ZNF239: variants seen among roughly 807,000 people sequenced by gnomAD.
ZNF239 encodes zinc finger protein 239.
Under a neutral mutation model 27.5 loss-of-function variants are expected in ZNF239, and 16 were observed. That is an observed-to-expected ratio of 0.58 (90% CI 0.39 to 0.88). The LOEUF is 0.88. ZNF239 is among the 40% of genes least tolerant of loss of function. The pLI is 0.00. For missense variants in ZNF239, 527 were observed against 551.9 expected, an observed-to-expected ratio of 0.95 and a Z score of 0.45; for synonymous variants, 199 against 192.6, an observed-to-expected ratio of 1.03 and a Z score of -0.27.
At chr10:43,574,307 G>A (rs541394212) in intron 1 of ZNF239, among the ~76,000 whole-genome samples, 95 of 152,300 alleles carry the variant, frequency 6.2e-4, no homozygotes, top group African/African-American at 2.2e-3. Context: ...TCAGCTGCAG[G>A]GCCCCACAGG....
At position 43,556,630 on chromosome 10, in the gene ZNF239, G is replaced by A; in HGVS notation, c.*73C>T. 6.6e-7 allele frequency: 1 copy of A among 1,513,756 alleles called. No individual in the cohort carries two copies. Among genetic ancestry groups the A allele is most frequent in the Non-Finnish European group, 8.9e-7 (1 of 1,124,914 alleles). 93.8% of individuals were successfully genotyped at this position (1,513,756 alleles called of 1,614,324 possible). A position where few individuals can be genotyped will look rare whatever the true frequency, so the allele number is the denominator to read the frequency against. On this transcript the variant is annotated 3_prime_UTR_variant, in exon 4 of 4. Coordinates refer to ENST00000374446, the MANE Select transcript of ZNF239 (RefSeq NM_001099282.2). Reference sequence around the variant, plus strand: ...ATCTCTCTCCTTTGTAGAATATAAAGTAAGAGTGATACTAAATATTTAACA... The same window carrying A: ...ATCTCTCTCCTTTGTAGAATATAAAATAAGAGTGATACTAAATATTTAACA...
At chr10:43,571,684 G>A (rs894783473) in intron 2 of ZNF239, among the ~76,000 whole-genome samples, 7 of 152,010 alleles carry the variant, frequency 4.6e-5, no homozygotes, top group African/African-American at 1.7e-4. Flanking sequence ...TCAGCCTCCC[G>A]AGTAGCTGGG....
In ZNF239 at chr10:43,556,614, C is replaced by T. The variant is rs1836752153; in HGVS notation, c.*89G>A. 1.0e-5 allele frequency: 15 copies of T among 1,474,840 alleles called. No individual in the cohort carries two copies. In the Middle Eastern group the frequency reaches 7.6e-4, roughly 75 times the overall value. The allele number at this position is 1,474,840 out of a possible 1,614,324, so 91.4% of individuals were successfully genotyped here. ...TCTAAATAACCCTTACATCTCTCTC[C>T]TTTGTAGAATATAAAGTAAGAGTGA... On this transcript the variant is annotated 3_prime_UTR_variant, in exon 4 of 4. Coordinates refer to ENST00000374446, the MANE Select transcript of ZNF239 (RefSeq NM_001099282.2).
At chr10:43,558,233 G>A (rs79486355) in intron 3 of ZNF239, 62 bp from the exon 4 acceptor site, 1 of 1,409,786 alleles carries the variant, frequency 7.1e-7, no homozygotes, top group East Asian at 2.5e-5. Flanking sequence ...TTCAGAGTGA[G>A]AGTGCCTAAG....
rs1024777807 is a variant in ZNF239, at chr10:43,571,379, T to C, written c.-216+2258A>G. 5.3e-5 allele frequency among the ~76,000 whole-genome samples: 8 copies of C among 151,390 alleles called. No homozygotes were observed. In the East Asian group the frequency reaches 1.5e-3, roughly 29 times the overall value. ...CTTTCTATAGTAAGCCCTAACTTAT[T>C]GAGTTCTCCCATCCATTTTGGAGCT... On this transcript the variant is annotated intron_variant, in intron 2 of 3. Coordinates refer to ENST00000374446, the MANE Select transcript of ZNF239 (RefSeq NM_001099282.2).
At chr10:43,562,654 ACACTGTGGCTGATGGAG>A (rs1421451449) in intron 3 of ZNF239, among the ~76,000 whole-genome samples, 5 of 152,236 alleles carry the variant, frequency 3.3e-5, no homozygotes, top group African/African-American at 1.2e-4. Flanking sequence ...TTTGGAAGCC[ACACTGTGGCTGATGGAG>A]CAGCAGAGTC....
At chr10:43,563,179 G>C (rs1837386639) in intron 3 of ZNF239, among the ~76,000 whole-genome samples, 1 of 152,126 alleles carries the variant, frequency 6.6e-6, no homozygotes, top group African/African-American at 2.4e-5. Flanking sequence ...GCAGGGTGTG[G>C]TAGTGGGCAC....
At chr10:43,560,383 C>A (rs1474189188) in intron 3 of ZNF239, among the ~76,000 whole-genome samples, 2 of 152,030 alleles carry the variant, frequency 1.3e-5, no homozygotes, top group Non-Finnish European at 2.9e-5. Flanking sequence ...AGGAAGATAG[C>A]CCAGCGCTGG....
intron 2 of ZNF239, among the ~76,000 whole-genome samples, chr10:43,568,796 T>C (rs1283456906): frequency 6.6e-6 from 1 of 152,152 alleles, no homozygotes; most frequent in Non-Finnish European, 1.5e-5. Flanking sequence ...ACGGCTGTAA[T>C]CCCAGCATTT....
chr10:43,568,056 A>G, intron 2 of ZNF239, 35 bp from the exon 3 acceptor site: 1 of 985,786 alleles, frequency 1.0e-6, no homozygotes, highest in Non-Finnish European at 1.2e-6. Flanking sequence ...TCAACAAACA[A>G]CCATCTGCAC....
chr10:43,571,997 T>A (rs936432837), intron 2 of ZNF239, among the ~76,000 whole-genome samples: 1 of 152,142 alleles, frequency 6.6e-6, no homozygotes, highest in South Asian at 2.1e-4. Flanking sequence ...ACCCTCAGTT[T>A]ACAGAGAAAA....
At chr10:43,570,308 A>C (rs760499432) in intron 2 of ZNF239, 140 of 985,240 alleles carry the variant, frequency 1.4e-4, no homozygotes, top group Non-Finnish European at 1.7e-4. Flanking sequence ...CAAGCCCCGG[A>C]GTAAAGGTGG....
At chr10:43,562,730 C>T (rs1476169323) in intron 3 of ZNF239, among the ~76,000 whole-genome samples, 2 of 152,090 alleles carry the variant, frequency 1.3e-5, no homozygotes, top group East Asian at 1.9e-4. Context: ...ACTTGTTTTA[C>T]CCAGGTGAGT....
At chr10:43,560,250 G>A (rs1323942052) in intron 3 of ZNF239, among the ~76,000 whole-genome samples, 2 of 152,256 alleles carry the variant, frequency 1.3e-5, no homozygotes, top group Non-Finnish European at 2.9e-5. Context: ...GAGAGAAGCA[G>A]AGGTTGAGGT....
intron 2 of ZNF239, among the ~76,000 whole-genome samples, chr10:43,573,047 G>A (rs2132316899): frequency 6.6e-6 from 1 of 152,288 alleles, no homozygotes; most frequent in Non-Finnish European, 1.5e-5. Flanking sequence ...CTGGAAGAGA[G>A]AAGGAAGCTT....
intron 3 of ZNF239, chr10:43,564,305 A>G: frequency 1.0e-6 from 1 of 983,650 alleles, no homozygotes. Flanking sequence ...ACTCCAAAGA[A>G]TGACATCATA....
In ZNF239 at chr10:43,557,200, C is replaced by G. The variant is rs1488654538; in HGVS notation, c.880G>C (p.Asp294His). The G allele has an allele frequency of 1.4e-5, 22 of 1,613,824 alleles. No homozygotes were observed. Among genetic ancestry groups the G allele is most frequent in the Non-Finnish European group, 1.9e-5 (22 of 1,179,992 alleles). The change falls in exon 4 of 4, where the codon GAC (aspartate) becomes CAC (histidine). Residue 294 changes from aspartate (D) to histidine (H), a missense_variant. Asp to His is a moderately conservative substitution (Grantham distance 81, BLOSUM62 -1). Coordinates refer to ENST00000374446, the MANE Select transcript of ZNF239 (RefSeq NM_001099282.2). ...TGACTAAAGCCCTTCCCACACTTGT[C>G]ACATTTATAAGGTTTTTCGCCTGTA... is the stretch of plus-strand genomic sequence containing the variant. The part of the protein sequence containing the change: ...VHTGEKPYKC[D>H]KCGKGFSQSS...
intron 3 of ZNF239, among the ~76,000 whole-genome samples, chr10:43,566,256 C>CAAA (rs766820256): frequency 1.3e-5 from 2 of 150,336 alleles, no homozygotes; most frequent in African/African-American, 2.4e-5. Context: ...CTGAGGGAGG[C>CAAA]AAAAACCCTG....
At position 43,556,646 on chromosome 10, in the gene ZNF239, A is replaced by G. The variant is rs949017527; in HGVS notation, c.*57T>C. 17 of 1,550,006 alleles carry G rather than the reference A, an allele frequency of 1.1e-5. No homozygotes were observed. The Admixed American group carries it at 1.7e-4, about 16-fold the overall frequency. ...GAATATAAAGTAAGAGTGATACTAA[A>G]TATTTAACAGTTTTTACAGTATGAG... On this transcript the variant is annotated 3_prime_UTR_variant, in exon 4 of 4. Coordinates refer to ENST00000374446, the MANE Select transcript of ZNF239 (RefSeq NM_001099282.2).
Sources: gnomAD v4.1 joint callset for allele counts (sites outside exome capture counted in the v4.1 genomes callset) on GRCh38, gnomAD v4.1.1 for gene constraint, MANE v1.5 for transcripts, NCBI Gene and HGNC (gene_info 2026-07-23, HGNC 2026-07-21) for gene names.